Variants in BTRC observed in about 807,000 individuals in gnomAD.
The protein encoded by BTRC is F-box/WD repeat-containing protein 1A.
In BTRC, 42 loss-of-function variants were observed where a neutral mutation model predicts 85.5. That is an observed-to-expected ratio of 0.49 (90% CI 0.38 to 0.64). BTRC has a LOEUF of 0.64. Among genes scored for constraint, BTRC ranks in the 30% least tolerant of loss-of-function variants. BTRC has a pLI of 0.00. For missense variants in BTRC, 594 were observed against 743.5 expected (o/e 0.80, Z 2.34); for synonymous variants, 255 against 263.3 (o/e 0.97, Z 0.30).
intron 5 of BTRC, among the ~76,000 whole-genome samples, chr10:101,522,386 A>AC (rs1554893252): frequency 7.3e-6 from 1 of 137,440 alleles, no homozygotes; most frequent in African/African-American, 2.6e-5. Context: ...ACAAAAAAAA[A>AC]AAAACTCTAG....
chr10:101,404,025 TATATA>T (rs1302560637), intron 1 of BTRC, among the ~76,000 whole-genome samples: 12 of 42,072 alleles, frequency 2.9e-4, no homozygotes, highest in African/African-American at 7.0e-4. Context: ...TATATATATA[TATATA>T]TTTTTTTTTT....
intron 1 of BTRC, among the ~76,000 whole-genome samples, chr10:101,357,058 G>A (rs1388255774): frequency 6.6e-6 from 1 of 151,772 alleles, no homozygotes; most frequent in Non-Finnish European, 1.5e-5. Context: ...GAACCCGGGA[G>A]GTGGAGCTTG....
intron 1 of BTRC, among the ~76,000 whole-genome samples, chr10:101,428,566 T>C (rs1944319802): frequency 6.6e-6 from 1 of 152,160 alleles, no homozygotes; most frequent in Non-Finnish European, 1.5e-5. Flanking sequence ...GTGTCCACTT[T>C]ATGACTGAGG....
At chr10:101,478,193 CG>C (rs1004797227) in intron 3 of BTRC, among the ~76,000 whole-genome samples, 36 of 151,342 alleles carry the variant, frequency 2.4e-4, no homozygotes, top group African/African-American at 8.3e-4. Flanking sequence ...CCCAGCTACT[CG>C]GGAGACTCAG....
intron 1 of BTRC, among the ~76,000 whole-genome samples, chr10:101,404,030 A>ATATATATTTTTTTTT (rs1232082481): frequency 7.9e-5 from 2 of 25,424 alleles, no homozygotes; most frequent in African/African-American, 3.8e-4. Flanking sequence ...ATATATATAT[A>ATATATATTTTTTTTT]TTTTTTTTTT....
chr10:101,536,688 T>A lies in BTRC; in HGVS notation c.1577+35T>A, dbSNP rs766913971. On this transcript the variant is annotated intron_variant, in intron 12 of 14. Coordinates refer to ENST00000370187, the MANE Select transcript of BTRC (RefSeq NM_033637.4). ...CTAACAGAGTGTAAAAAAGAGAAAATCTACGTCTTAATCCTTCCTTATGTT... is the reference window on the plus strand; with the variant it reads ...CTAACAGAGTGTAAAAAAGAGAAAAACTACGTCTTAATCCTTCCTTATGTT... The A allele has an allele frequency of 2.7e-6, 4 of 1,476,898 alleles. No homozygotes were observed. In the Middle Eastern group the frequency reaches 7.0e-4, roughly 257 times the overall value. 91.5% of individuals were successfully genotyped at this position (1,476,898 alleles called of 1,614,324 possible).
intron 4 of BTRC, among the ~76,000 whole-genome samples, chr10:101,487,530 C>T (rs1383610915): frequency 6.6e-6 from 1 of 152,126 alleles, no homozygotes; most frequent in Non-Finnish European, 1.5e-5. Context: ...TGACAGTGAG[C>T]TGTGTGCGTT....
intron 2 of BTRC, among the ~76,000 whole-genome samples, chr10:101,455,306 C>G (rs1287172139): frequency 6.6e-6 from 1 of 151,372 alleles, no homozygotes; most frequent in African/African-American, 2.4e-5. Flanking sequence ...ATCCTCCTGT[C>G]TCTACCTCCC....
chr10:101,517,746 A>C (rs1589583384), intron 4 of BTRC, among the ~76,000 whole-genome samples: 1 of 152,102 alleles, frequency 6.6e-6, no homozygotes, highest in East Asian at 1.9e-4. Flanking sequence ...CTTGGGTGTG[A>C]TTTTGTCTCC....
chr10:101,493,059 T>TTAG (rs1379312264), intron 4 of BTRC, among the ~76,000 whole-genome samples: 5 of 152,286 alleles, frequency 3.3e-5, no homozygotes, highest in South Asian at 4.1e-4. Context: ...GTTTCAATTG[T>TTAG]TAGTTACTCC....
At chr10:101,405,915 G>A (rs1239849361) in intron 1 of BTRC, among the ~76,000 whole-genome samples, 5 of 152,158 alleles carry the variant, frequency 3.3e-5, no homozygotes, top group Non-Finnish European at 7.4e-5. Flanking sequence ...TGTGTATACT[G>A]CAGTTGTTGG....
chr10:101,511,440 C>T (rs554529817), intron 4 of BTRC, among the ~76,000 whole-genome samples: 1 of 152,302 alleles, frequency 6.6e-6, no homozygotes, highest in South Asian at 2.1e-4. Context: ...AACATGATCT[C>T]ACTCTGTTGC....
intron 6 of BTRC, among the ~76,000 whole-genome samples, chr10:101,530,133 G>GAT (rs929850017): frequency 3.3e-5 from 5 of 152,166 alleles, no homozygotes; most frequent in African/African-American, 1.2e-4. Context: ...TAAGGAAGGA[G>GAT]ATACTAACAA....
intron 4 of BTRC, among the ~76,000 whole-genome samples, chr10:101,508,624 C>T (rs56330353): frequency 0.037 from 5,600 of 152,162 alleles, 332 homozygotes; most frequent in African/African-American, 0.13. Flanking sequence ...AGTTTAAGAA[C>T]TAAAAGTAGG....
intron 1 of BTRC, among the ~76,000 whole-genome samples, chr10:101,366,957 TA>T (rs1202913983): frequency 6.0e-5 from 3 of 50,024 alleles, no homozygotes; most frequent in East Asian, 3.4e-4. Context: ...TTTATATATA[TA>T]TTTATATAAA....
intron 1 of BTRC, among the ~76,000 whole-genome samples, chr10:101,414,028 C>G (rs756720660): frequency 2.4e-4 from 37 of 152,178 alleles, no homozygotes; most frequent in Non-Finnish European, 1.5e-4. Flanking sequence ...GTGTACAATT[C>G]AGTAGTTTTA....
chr10:101,502,176 T>A (rs1946414587), intron 4 of BTRC, among the ~76,000 whole-genome samples: 1 of 152,214 alleles, frequency 6.6e-6, no homozygotes, highest in African/African-American at 2.4e-5. Context: ...CTTTGCTGAT[T>A]CTAAAACAAT....
intron 4 of BTRC, among the ~76,000 whole-genome samples, chr10:101,508,913 TAAAA>T (rs59998718): frequency 0.36 from 37,105 of 102,400 alleles, 7,192 homozygotes; most frequent in Middle Eastern, 0.6. Flanking sequence ...GACTCCATCT[TAAAA>T]AAAAAAAAAA....
chr10:101,365,506 G>GCTC, intron 1 of BTRC, among the ~76,000 whole-genome samples: 1 of 149,752 alleles, frequency 6.7e-6, no homozygotes, highest in Non-Finnish European at 1.5e-5. Context: ...ACGAAGTTTC[G>GCTC]CTCTTGTTGC....
Sources: gnomAD v4.1 joint callset for allele counts (sites outside exome capture counted in the v4.1 genomes callset) on GRCh38, gnomAD v4.1.1 for gene constraint, MANE v1.5 for transcripts, NCBI Gene and HGNC (gene_info 2026-07-23, HGNC 2026-07-21) for gene names.